The following LHFPL6 variants were observed in gnomAD, a reference collection of about 807,000 sequenced individuals.
LHFPL6 encodes LHFPL tetraspan subfamily member 6.
Under a neutral mutation model 20.6 loss-of-function variants are expected in LHFPL6, and 9 were observed. That is an observed-to-expected ratio of 0.44 (90% confidence interval 0.26 to 0.76). The LOEUF (loss-of-function observed/expected upper bound fraction) is 0.76. LHFPL6 is among the 30% of genes least tolerant of loss of function. LHFPL6 has a pLI of 0.20. For synonymous variants in LHFPL6, 105 were observed against 98.7 expected (o/e 1.06, Z -0.38); for missense variants, 218 against 253.5 (o/e 0.86, Z 0.95).
intron 3 of LHFPL6, among the ~76,000 whole-genome samples, chr13:39,371,801 G>A (rs1018516516): frequency 1.3e-5 from 2 of 152,172 alleles, no homozygotes; most frequent in South Asian, 4.1e-4. Context: ...GAAGCACGTG[G>A]CATTCCCTGG....
At chr13:39,542,131 TAA>T (rs1555267303) in intron 2 of LHFPL6, among the ~76,000 whole-genome samples, 1 of 142,694 alleles carries the variant, frequency 7.0e-6, no homozygotes, top group African/African-American at 2.6e-5. Context: ...ATAATAATAA[TAA>T]AATAAAAATG....
chr13:39,432,696 TA>T (rs113873564), intron 2 of LHFPL6, among the ~76,000 whole-genome samples: 13 of 152,130 alleles, frequency 8.5e-5, no homozygotes, highest in African/African-American at 2.2e-4. Flanking sequence ...ATGATTTACT[TA>T]AAAAAAATTG....
At position 39,506,370 on chromosome 13, in the gene LHFPL6, C is replaced by T. The variant is rs147786706; in HGVS notation, c.385+94462G>A. On this transcript the variant is annotated intron_variant, in intron 2 of 3. Transcript: ENST00000379589. ...TCCTAATGGTGTTCAGTGATGAATA[C>T]GAAGACCAACTGTGAGAAAGGACCT... is the stretch of plus-strand genomic sequence containing the variant. Among the ~76,000 whole-genome samples the T allele has an allele frequency of 7.2e-5, 11 of 152,228 alleles. No homozygotes were observed. In the East Asian group the frequency reaches 2.1e-3, roughly 29 times the overall value.
chr13:39,463,908 C>G (rs761830606), intron 2 of LHFPL6, among the ~76,000 whole-genome samples: 2 of 152,154 alleles, frequency 1.3e-5, no homozygotes, highest in Non-Finnish European at 2.9e-5. Context: ...TCTAGATATG[C>G]AAATTGAGCA....
chr13:39,595,385 T>A (rs978475857), intron 2 of LHFPL6, among the ~76,000 whole-genome samples: 1 of 152,144 alleles, frequency 6.6e-6, no homozygotes, highest in East Asian at 1.9e-4. Context: ...CTCAGCCTCC[T>A]GGGTTCAAGC....
chr13:39,457,015 G>T (rs1482883765), intron 2 of LHFPL6, among the ~76,000 whole-genome samples: 1 of 152,056 alleles, frequency 6.6e-6, no homozygotes, highest in African/African-American at 2.4e-5. Context: ...GGCCAGGCTG[G>T]TCTTGAACTC....
chr13:39,443,021 C>T (rs1872182953), intron 2 of LHFPL6, among the ~76,000 whole-genome samples: 1 of 152,012 alleles, frequency 6.6e-6, no homozygotes. Flanking sequence ...ATGCATCCTC[C>T]AAAGTTCATG....
At position 39,539,631 on chromosome 13, in the gene LHFPL6, A is replaced by G. The variant is rs545994171; in HGVS notation, c.385+61201T>C. Among the ~76,000 whole-genome samples, 34 of 152,310 alleles carry G rather than the reference A, an allele frequency of 2.2e-4. No homozygotes were observed. The Middle Eastern group carries it at 0.01, about 46-fold the overall frequency. ...GCCACTGGGGAAAATGAACTCAATT[A>G]ATCAGCGTAAGGCATAGGTGAGGTC... is the stretch of plus-strand genomic sequence containing the variant. On this transcript the variant is annotated intron_variant, in intron 2 of 3. Transcript: ENST00000379589.
intron 2 of LHFPL6, among the ~76,000 whole-genome samples, chr13:39,490,176 G>A (rs1388097674): frequency 6.6e-6 from 1 of 152,184 alleles, no homozygotes; most frequent in Non-Finnish European, 1.5e-5. Flanking sequence ...TTCACTGAGT[G>A]CAAAACACGC....
intron 2 of LHFPL6, among the ~76,000 whole-genome samples, chr13:39,499,249 T>TA (rs1869208886): frequency 1.6e-5 from 1 of 60,756 alleles, no homozygotes; most frequent in Non-Finnish European, 5.6e-5. Flanking sequence ...GGCAATGAGC[T>TA]GTTTTTCTTT....
intron 2 of LHFPL6, among the ~76,000 whole-genome samples, chr13:39,523,960 A>C (rs1272100458): frequency 6.6e-6 from 1 of 152,186 alleles, no homozygotes; most frequent in East Asian, 1.9e-4. Context: ...AAAGAAAAAA[A>C]ATGAAGATTT....
chr13:39,560,664 G>A (rs972038766), intron 2 of LHFPL6, among the ~76,000 whole-genome samples: 2 of 151,770 alleles, frequency 1.3e-5, no homozygotes, highest in Admixed American at 1.3e-4. Context: ...ACAGGTGCCC[G>A]CCCCCACGCC....
At chr13:39,491,344 G>A (rs1868919603) in intron 2 of LHFPL6, among the ~76,000 whole-genome samples, 1 of 152,188 alleles carries the variant, frequency 6.6e-6, no homozygotes. Context: ...TAACTCAGAG[G>A]CAAGAAAGAG....
chr13:39,378,331 G>A, intron 3 of LHFPL6, 97 bp downstream of exon 3: 1 of 863,126 alleles, frequency 1.2e-6, no homozygotes, highest in Non-Finnish European at 1.9e-6. Flanking sequence ...TACCCAGGGA[G>A]GTTTTTCTTA....
chr13:39,376,658 T>C (rs1410317087), intron 3 of LHFPL6, among the ~76,000 whole-genome samples: 3 of 152,182 alleles, frequency 2.0e-5, no homozygotes, highest in Non-Finnish European at 4.4e-5. Context: ...TTTTCATAGA[T>C]GTTCTAACAT....
chr13:39,523,777 T>C lies in LHFPL6; in HGVS notation c.385+77055A>G, dbSNP rs1303347734. Among the ~76,000 whole-genome samples, 6 of 152,150 alleles carry C rather than the reference T, an allele frequency of 3.9e-5. No individual in the cohort carries two copies. In the South Asian group the frequency reaches 8.3e-4, roughly 21 times the overall value. ...GGTATATCAATACAACACCCATTTA[T>C]TTTACAAAAGATTTAAAAGTGAGTA... On this transcript the variant is annotated intron_variant, in intron 2 of 3. Coordinates refer to ENST00000379589, the MANE Select transcript of LHFPL6 (RefSeq NM_005780.3).
At chr13:39,562,428 A>ATACATATACATG (rs1871528912) in intron 2 of LHFPL6, among the ~76,000 whole-genome samples, 1 of 144,434 alleles carries the variant, frequency 6.9e-6, no homozygotes, top group Non-Finnish European at 1.5e-5. Context: ...ATATACATAT[A>ATACATATACATG]TACATATATA....
chr13:39,490,784 C>A (rs748059384), intron 2 of LHFPL6, among the ~76,000 whole-genome samples: 1 of 152,154 alleles, frequency 6.6e-6, no homozygotes, highest in Non-Finnish European at 1.5e-5. Context: ...TTTCTTTACT[C>A]ATTGCTACTT....
chr13:39,563,690 G>A (rs901480311), intron 2 of LHFPL6, among the ~76,000 whole-genome samples: 17 of 152,052 alleles, frequency 1.1e-4, no homozygotes, highest in African/African-American at 3.9e-4. Context: ...CATTTCTTAG[G>A]GTGATTGGGA....
Sources: gnomAD v4.1 joint callset for allele counts (sites outside exome capture counted in the v4.1 genomes callset) on GRCh38, gnomAD v4.1.1 for gene constraint, MANE v1.5 for transcripts, NCBI Gene and HGNC (gene_info 2026-07-23, HGNC 2026-07-21) for gene names.